Variants in EGFLAM observed in about 807,000 individuals in gnomAD.
EGFLAM encodes the protein EGF like, fibronectin type III and laminin G domains.
EGFLAM carries 79 observed loss-of-function variants against 113.1 expected under a neutral mutation model. The ratio of observed to expected loss-of-function variants is 0.70; its 90% CI spans 0.58 to 0.84. EGFLAM has a LOEUF of 0.84. Among genes scored for constraint, EGFLAM ranks in the 40% least tolerant of loss-of-function variants. The pLI, the probability that EGFLAM is intolerant of heterozygous loss-of-function variation, is 0.00. For missense variants in EGFLAM, 1,265 were observed against 1,291.6 expected (o/e 0.98, Z 0.32); for synonymous variants, 504 against 487.6 (o/e 1.03, Z -0.44).
At chr5:38,461,107 T>TATC (rs1291022910) in intron 20 of EGFLAM, 3 of 152,204 alleles carry the variant, frequency 2.0e-5, no homozygotes, top group Non-Finnish European at 4.4e-5. Context: ...GTGTATCAGG[T>TATC]ATCATGCCCT....
At chr5:38,428,689 G>A (rs1048189832) in intron 14 of EGFLAM, among the ~76,000 whole-genome samples, 2 of 152,320 alleles carry the variant, frequency 1.3e-5, no homozygotes, top group African/African-American at 4.8e-5. Context: ...CCTCCACACT[G>A]CCTCTCTGCA....
rs533931273 is a variant in EGFLAM at position 38,396,373 on chromosome 5, A to G, written c.713-9753A>G. Among the ~76,000 whole-genome samples the G allele has an allele frequency of 1.5e-3, 231 of 152,300 alleles. 1 individual carries two copies. The highest frequency in any genetic ancestry group is 3.9e-3 in the South Asian group (19 of 4,824). On this transcript the variant is annotated intron_variant, in intron 6 of 21. Coordinates refer to ENST00000322350, the MANE Select transcript of EGFLAM (RefSeq NM_152403.4). ...CATTAACAGTCAGTTTACAATTGCT[A>G]CCAAACTACCAAACTTCCAGTGAAA...
chr5:38,410,912 C>G (rs1263653283), intron 10 of EGFLAM, among the ~76,000 whole-genome samples: 2 of 152,142 alleles, frequency 1.3e-5, no homozygotes, highest in Admixed American at 1.3e-4. Flanking sequence ...CCAGAGAAAT[C>G]CCTGGAAACA....
At chr5:38,296,102 G>A (rs575402392) in intron 1 of EGFLAM, among the ~76,000 whole-genome samples, 1 of 152,204 alleles carries the variant, frequency 6.6e-6, no homozygotes, top group East Asian at 1.9e-4. Flanking sequence ...GATTTGGGGT[G>A]GGGGTAAGAA....
chr5:38,354,781 C>T (rs1040414585), intron 5 of EGFLAM, among the ~76,000 whole-genome samples: 5 of 152,178 alleles, frequency 3.3e-5, no homozygotes, highest in African/African-American at 1.2e-4. Context: ...GGCAGATAAT[C>T]TGTGTAACCC....
At chr5:38,417,605 A>G (rs1741694004) in intron 11 of EGFLAM, among the ~76,000 whole-genome samples, 1 of 151,594 alleles carries the variant, frequency 6.6e-6, no homozygotes. Context: ...TTCTCTCAGG[A>G]TATAGTATAA....
intron 1 of EGFLAM, among the ~76,000 whole-genome samples, chr5:38,266,608 G>A (rs1005707942): frequency 5.3e-5 from 8 of 152,200 alleles, no homozygotes; most frequent in African/African-American, 1.9e-4. Context: ...ATGGTTACAT[G>A]TGATGTAACT....
intron 1 of EGFLAM, among the ~76,000 whole-genome samples, chr5:38,261,095 A>G (rs1037267686): frequency 1.3e-5 from 2 of 152,162 alleles, no homozygotes; most frequent in Admixed American, 6.5e-5. Flanking sequence ...ACTTTTGATA[A>G]GTATAGCATT....
intron 19 of EGFLAM, among the ~76,000 whole-genome samples, chr5:38,456,792 G>A (rs747300610): frequency 1.3e-5 from 2 of 152,184 alleles, no homozygotes; most frequent in African/African-American, 4.8e-5. Flanking sequence ...GGGCAATGAG[G>A]TGAAGGAGAG....
intron 1 of EGFLAM, among the ~76,000 whole-genome samples, chr5:38,271,328 C>T (rs531424688): frequency 1.1e-4 from 16 of 152,280 alleles, no homozygotes; most frequent in African/African-American, 2.9e-4. Context: ...ATGTGTTCTC[C>T]GCCTTCATTT....
intron 1 of EGFLAM, among the ~76,000 whole-genome samples, chr5:38,268,066 T>C (rs1579704414): frequency 6.6e-6 from 1 of 152,282 alleles, no homozygotes; most frequent in East Asian, 1.9e-4. Context: ...AACAGTAGAC[T>C]CATTTGCCTG....
chr5:38,460,419 A>C (rs963975802), intron 20 of EGFLAM, among the ~76,000 whole-genome samples: 10 of 152,224 alleles, frequency 6.6e-5, no homozygotes, highest in African/African-American at 2.4e-4. Context: ...TTAGAATCCC[A>C]GCTCAAAGCC....
intron 1 of EGFLAM, among the ~76,000 whole-genome samples, chr5:38,299,483 G>A (rs1178706342): frequency 1.3e-5 from 2 of 152,178 alleles, no homozygotes; most frequent in Admixed American, 1.3e-4. Flanking sequence ...AATGTCAGAG[G>A]TGGGCCCTGG....
intron 1 of EGFLAM, chr5:38,286,417 T>G (rs1758162032): frequency 6.6e-6 from 1 of 152,196 alleles, no homozygotes; most frequent in African/African-American, 2.4e-5. Flanking sequence ...ACACAAATCT[T>G]TTACATCTTA....
intron 6 of EGFLAM, among the ~76,000 whole-genome samples, chr5:38,371,346 G>GTAAC (rs1161750807): frequency 6.6e-6 from 1 of 152,114 alleles, no homozygotes; most frequent in African/African-American, 2.4e-5. Context: ...AGCAGCACTG[G>GTAAC]TAACTGGCTT....
chr5:38,336,312 G>A (rs771335816), intron 1 of EGFLAM, among the ~76,000 whole-genome samples: 1 of 152,060 alleles, frequency 6.6e-6, no homozygotes, highest in Admixed American at 6.5e-5. Context: ...GGTGGCTCAC[G>A]CCTGTAATCC....
intron 6 of EGFLAM, among the ~76,000 whole-genome samples, chr5:38,386,504 AT>A (rs532645708): frequency 1.3e-5 from 2 of 150,776 alleles, no homozygotes. Context: ...ACAAATACTT[AT>A]TTTTTTTATT....
intron 1 of EGFLAM, among the ~76,000 whole-genome samples, chr5:38,312,729 T>C (rs1738488509): frequency 1.3e-5 from 2 of 152,210 alleles, no homozygotes; most frequent in African/African-American, 4.8e-5. Context: ...ACTCAATTAT[T>C]ACTATCAATT....
At position 38,462,968 on chromosome 5, in the gene EGFLAM, A is replaced by G. The variant is rs1207524597; in HGVS notation, c.2832A>G (p.Pro944=). ...ATGGAGCCAGAACAGGCAAATCCCCAGGCATGATGCGGCAGCTTAACATCA... is the reference window on the plus strand; with the variant it reads ...ATGGAGCCAGAACAGGCAAATCCCCGGGCATGATGCGGCAGCTTAACATCA... ...DDYGARTGKS[P]GMMRQLNING... The change falls in exon 21 of 22, where the codon CCA becomes CCG. Residue 944 remains proline (P), a synonymous_variant. Transcript: ENST00000322350. The G allele has an allele frequency of 6.2e-7, 1 of 1,614,200 alleles. No homozygotes were observed. The highest frequency in any genetic ancestry group is 2.2e-5 in the East Asian group (1 of 44,894).
Sources: gnomAD v4.1 joint callset for allele counts (sites outside exome capture counted in the v4.1 genomes callset) on GRCh38, gnomAD v4.1.1 for gene constraint, MANE v1.5 for transcripts, NCBI Gene and HGNC (gene_info 2026-07-23, HGNC 2026-07-21) for gene names.